Variants in ANK2 observed in about 807,000 individuals in gnomAD.
The protein encoded by ANK2 is ankyrin-2.
ANK2 carries 83 observed loss-of-function variants against 360.5 expected under a neutral mutation model. That is an observed-to-expected ratio of 0.23 (90% confidence interval 0.19 to 0.28). The LOEUF (loss-of-function observed/expected upper bound fraction) is 0.28. Ranked by LOEUF, ANK2 falls within the 10% of genes least tolerant of loss-of-function variation. The pLI, the probability that ANK2 is intolerant of heterozygous loss-of-function variation, is 1.00. For missense variants in ANK2, 4,201 were observed against 4,795.7 expected, an observed-to-expected ratio of 0.88 and a Z score of 3.66; for synonymous variants, 1,740 against 1,759.5, an observed-to-expected ratio of 0.99 and a Z score of 0.28.
chr4:113,323,136 G>A (rs1671346974), intron 26 of ANK2, among the ~76,000 whole-genome samples: 1 of 152,156 alleles, frequency 6.6e-6, no homozygotes, highest in South Asian at 2.1e-4. Flanking sequence ...TATAATGTGG[G>A]ATTAGACATT....
At chr4:112,872,834 T>C (rs896472290) in intron 1 of ANK2, among the ~76,000 whole-genome samples, 11 of 152,234 alleles carry the variant, frequency 7.2e-5, no homozygotes, top group African/African-American at 4.8e-5. Flanking sequence ...TGAAGCCATC[T>C]GGTCATGGGC....
chr4:113,213,594 C>T (rs1482568679), intron 4 of ANK2, among the ~76,000 whole-genome samples: 1 of 152,078 alleles, frequency 6.6e-6, no homozygotes, highest in Non-Finnish European at 1.5e-5. Flanking sequence ...TTAATATATG[C>T]AAATAATTTA....
At chr4:113,184,458 C>G (rs2098475905) in intron 2 of ANK2, among the ~76,000 whole-genome samples, 1 of 151,990 alleles carries the variant, frequency 6.6e-6, no homozygotes, top group Non-Finnish European at 1.5e-5. Context: ...GGAGTCCCAT[C>G]TTGATTTTTG....
chr4:113,302,738 T>C, intron 22 of ANK2, 29 bp from the exon 23 acceptor site: 2 of 1,583,500 alleles, frequency 1.3e-6, no homozygotes, highest in Non-Finnish European at 8.7e-7. Flanking sequence ...TGGTTTCAAC[T>C]TGAACATTAA....
chr4:113,335,167 T>C (rs2093334707), intron 29 of ANK2, among the ~76,000 whole-genome samples: 1 of 152,196 alleles, frequency 6.6e-6, no homozygotes, highest in African/African-American at 2.4e-5. Context: ...ACTAATGCAA[T>C]TTATAAAGAA....
chr4:113,187,206 CT>C (rs2098547832), intron 2 of ANK2, among the ~76,000 whole-genome samples: 1 of 152,016 alleles, frequency 6.6e-6, no homozygotes, highest in Admixed American at 6.6e-5. Context: ...TGTTACTGCC[CT>C]TGGGAAAAAG....
chr4:113,326,505 T>C (rs1259259330), intron 26 of ANK2, among the ~76,000 whole-genome samples: 1 of 152,226 alleles, frequency 6.6e-6, no homozygotes, highest in Non-Finnish European at 1.5e-5. Flanking sequence ...TAAACAGTTT[T>C]ACTCATTTTG....
At position 113,336,235 on chromosome 4, in the gene ANK2, A is replaced by G. The variant is rs1029088630; in HGVS notation, c.3591+178A>G. 5.8e-6 allele frequency: 4 copies of G among 691,032 alleles called. No homozygotes were observed. The African/African-American group carries it at 7.2e-5, about 13-fold the overall frequency. The allele number at this position is 691,032 out of a possible 1,614,324, so 42.8% of individuals were successfully genotyped here. On this transcript the variant is annotated intron_variant, in intron 30 of 45. Coordinates refer to ENST00000357077, the MANE Select transcript of ANK2 (RefSeq NM_001148.6). ...GGTTACTAATCTATTTAAAAATTCA[A>G]CTTATATTTGGACAATTAACCAAAA... is the stretch of plus-strand genomic sequence containing the variant.
chr4:113,269,624 A>G (rs1444893939), intron 14 of ANK2, among the ~76,000 whole-genome samples: 1 of 152,168 alleles, frequency 6.6e-6, no homozygotes, highest in Admixed American at 6.5e-5. Flanking sequence ...AACCAATCCC[A>G]GTGAGATGAG....
chr4:113,110,622 G>A (rs1223038468), intron 1 of ANK2, among the ~76,000 whole-genome samples: 2 of 152,120 alleles, frequency 1.3e-5, no homozygotes, highest in Non-Finnish European at 2.9e-5. Context: ...GGATACAATA[G>A]TCATTTTCAC....
chr4:113,327,734 A>G (rs764559493), intron 26 of ANK2, among the ~76,000 whole-genome samples: 4 of 152,172 alleles, frequency 2.6e-5, no homozygotes, highest in Non-Finnish European at 5.9e-5. Flanking sequence ...CGAAACCATC[A>G]TGTGACATCT....
intron 1 of ANK2, among the ~76,000 whole-genome samples, chr4:112,829,167 ATGAG>A (rs2059118408): frequency 6.6e-6 from 1 of 151,950 alleles, no homozygotes; most frequent in African/African-American, 2.4e-5. Context: ...ATATAAATGA[ATGAG>A]TGAATGAATG....
At chr4:112,738,826 A>T in the ANK2 span, 3 of 630,330 alleles carry the variant, frequency 4.8e-6, no homozygotes, top group Non-Finnish European at 9.0e-6. Context: ...TTCAAGGCCC[A>T]GATCTTGATG....
intron 22 of ANK2, among the ~76,000 whole-genome samples, chr4:113,299,248 C>A (rs1471251580): frequency 6.6e-6 from 1 of 152,154 alleles, no homozygotes; most frequent in Admixed American, 6.5e-5. Context: ...GAAACTTAAT[C>A]ATTTAAAAAG....
intron 1 of ANK2, among the ~76,000 whole-genome samples, chr4:113,100,860 A>G (rs954634556): frequency 6.6e-6 from 1 of 152,178 alleles, no homozygotes; most frequent in African/African-American, 2.4e-5. Context: ...AAGTGAAGAA[A>G]CAAGCCCTTT....
intron 29 of ANK2, 73 bp downstream of exon 29, chr4:113,333,281 C>A: frequency 6.5e-7 from 1 of 1,527,632 alleles, no homozygotes; most frequent in African/African-American, 1.4e-5. Flanking sequence ...TTTCTTATGA[C>A]CTAGGGGTGT....
intron 1 of ANK2, among the ~76,000 whole-genome samples, chr4:112,898,784 T>A (rs1469470195): frequency 6.6e-6 from 1 of 152,174 alleles, no homozygotes; most frequent in African/African-American, 2.4e-5. Flanking sequence ...GCTCATGGCT[T>A]ACTCAGACCT....
At chr4:112,782,107 C>T in the ANK2 span, among the ~76,000 whole-genome samples, 9 of 152,020 alleles carry the variant, frequency 5.9e-5, no homozygotes, top group Admixed American at 2.0e-4. Context: ...GAATTACAGG[C>T]GTGAGCCACC....
At chr4:113,126,641 A>G (rs2095677233) in intron 1 of ANK2, among the ~76,000 whole-genome samples, 1 of 152,178 alleles carries the variant, frequency 6.6e-6, no homozygotes, top group African/African-American at 2.4e-5. Flanking sequence ...GAGAAAAGCC[A>G]TCTGTGAAAT....
Sources: gnomAD v4.1 joint callset for allele counts (sites outside exome capture counted in the v4.1 genomes callset) on GRCh38, gnomAD v4.1.1 for gene constraint, MANE v1.5 for transcripts, NCBI Gene and HGNC (gene_info 2026-07-23, HGNC 2026-07-21) for gene names.